The following FRMD4A variants were observed in gnomAD, a reference collection of about 807,000 sequenced individuals.
FRMD4A encodes the protein FERM domain containing 4A.
A neutral mutation model predicts 129.1 loss-of-function variants in FRMD4A; 29 were observed. The observed-to-expected ratio is 0.22, with a 90% CI of 0.17 to 0.31. The LOEUF is 0.31. FRMD4A is among the 10% of genes least tolerant of loss of function. The probability of loss-of-function intolerance (pLI) is 1.00; values close to 1 mark genes in which losing one functional copy is unlikely to be tolerated. For missense variants in FRMD4A, 1,272 were observed against 1,375.8 expected (o/e 0.92, Z 1.19); for synonymous variants, 634 against 571.6 (o/e 1.11, Z -1.56).
chr10:14,288,476 C>A (rs557456195), intron 2 of FRMD4A, among the ~76,000 whole-genome samples: 1 of 152,252 alleles, frequency 6.6e-6, no homozygotes, highest in East Asian at 1.9e-4. Context: ...GTTAATAATA[C>A]CCCAGTAGAC....
intron 2 of FRMD4A, among the ~76,000 whole-genome samples, chr10:14,022,593 A>T (rs1832808462): frequency 6.6e-6 from 1 of 152,184 alleles, no homozygotes; most frequent in South Asian, 2.1e-4. Context: ...GGCAAATGCT[A>T]TGTAAATAAG....
intron 19 of FRMD4A, 92 bp downstream of exon 19, chr10:13,663,361 G>A: frequency 1.3e-6 from 1 of 764,696 alleles, no homozygotes; most frequent in East Asian, 2.6e-5. Flanking sequence ...CCTGGCTCTT[G>A]CCTTTACACA....
chr10:14,050,469 T>C (rs903129114), intron 2 of FRMD4A, among the ~76,000 whole-genome samples: 4 of 152,104 alleles, frequency 2.6e-5, no homozygotes, highest in Non-Finnish European at 2.9e-5. Flanking sequence ...AAATAAATAT[T>C]TGGTCTCTGT....
chr10:14,111,174 A>G lies in FRMD4A; in HGVS notation c.45+218884T>C, dbSNP rs555456066. 2.0e-5 allele frequency among the ~76,000 whole-genome samples: 3 copies of G among 152,334 alleles called. No homozygotes were observed. The East Asian group carries it at 5.8e-4, about 29-fold the overall frequency. On this transcript the variant is annotated intron_variant, in intron 2 of 24. Transcript: ENST00000357447. Reference sequence around the variant, plus strand: ...CCTAGCTTAGCCCCTGATAACTATCATTCTGCTTTCTGTCTCTGCGAATTT... The same window carrying G: ...CCTAGCTTAGCCCCTGATAACTATCGTTCTGCTTTCTGTCTCTGCGAATTT...
rs145856096 is a variant in FRMD4A, at chr10:13,837,371, C to A, written c.111+21476G>T. Among the ~76,000 whole-genome samples the A allele has an allele frequency of 5.2e-3, 794 of 152,274 alleles. 31 individuals carry two copies. In the East Asian group the frequency reaches 0.07, roughly 13 times the overall value. Reference sequence around the variant, plus strand: ...GTTCAGGGGCCCTGACACTTGGATTCTGGAGTCCTGATTGGGCCTCGAGTG... The same window carrying A: ...GTTCAGGGGCCCTGACACTTGGATTATGGAGTCCTGATTGGGCCTCGAGTG... On this transcript the variant is annotated intron_variant, in intron 3 of 24. Transcript: ENST00000357447.
chr10:14,219,674 G>A (rs1408944220), intron 2 of FRMD4A, among the ~76,000 whole-genome samples: 1 of 152,146 alleles, frequency 6.6e-6, no homozygotes, highest in African/African-American at 2.4e-5. Flanking sequence ...AGTACACAGA[G>A]ACAGCTAAGC....
chr10:14,185,463 CA>C (rs1286773184), intron 2 of FRMD4A, among the ~76,000 whole-genome samples: 1 of 152,144 alleles, frequency 6.6e-6, no homozygotes, highest in Non-Finnish European at 1.5e-5. Flanking sequence ...GAAATTAGTA[CA>C]AAAAACATTA....
intron 2 of FRMD4A, among the ~76,000 whole-genome samples, chr10:14,146,410 TCAACA>T (rs772228665): frequency 9.2e-5 from 14 of 152,212 alleles, no homozygotes; most frequent in Admixed American, 2.0e-4. Context: ...ACAATATAAT[TCAACA>T]CAACACAACA....
intron 18 of FRMD4A, among the ~76,000 whole-genome samples, chr10:13,665,641 C>T (rs549635518): frequency 3.3e-5 from 5 of 152,298 alleles, no homozygotes; most frequent in Admixed American, 3.3e-4. Context: ...GGATAGGAGG[C>T]CCCTGGCAGC....
chr10:14,259,534 T>C (rs1382533351), intron 2 of FRMD4A, among the ~76,000 whole-genome samples: 1 of 152,228 alleles, frequency 6.6e-6, no homozygotes, highest in Non-Finnish European at 1.5e-5. Context: ...AGGGAAGCCA[T>C]CTGCCAATAT....
intron 5 of FRMD4A, among the ~76,000 whole-genome samples, chr10:13,783,391 CT>C (rs903631864): frequency 1.3e-5 from 2 of 151,654 alleles, no homozygotes; most frequent in African/African-American, 2.4e-5. Flanking sequence ...TTTTCTTCTC[CT>C]TTTTTTTCTT....
chr10:14,026,550 G>A (rs1832994598), intron 2 of FRMD4A, among the ~76,000 whole-genome samples: 1 of 152,202 alleles, frequency 6.6e-6, no homozygotes, highest in Non-Finnish European at 1.5e-5. Context: ...GCATAGGAAG[G>A]GGCGGGCAGT....
intron 2 of FRMD4A, among the ~76,000 whole-genome samples, chr10:14,221,616 G>A (rs1843263400): frequency 6.6e-6 from 1 of 152,132 alleles, no homozygotes. Context: ...CTGGAGTACA[G>A]TGGTGTGATC....
At chr10:13,954,852 CCT>C (rs1314391659) in intron 2 of FRMD4A, among the ~76,000 whole-genome samples, 1 of 152,124 alleles carries the variant, frequency 6.6e-6, no homozygotes, top group African/African-American at 2.4e-5. Context: ...CTCTCAAACC[CCT>C]CTCTCATGTT....
At chr10:14,207,286 C>T (rs1208095351) in intron 2 of FRMD4A, among the ~76,000 whole-genome samples, 1 of 152,112 alleles carries the variant, frequency 6.6e-6, no homozygotes, top group East Asian at 1.9e-4. Context: ...TCATGAAAGA[C>T]AATTTTTCCA....
At chr10:14,044,272 C>A (rs1020074630) in intron 2 of FRMD4A, among the ~76,000 whole-genome samples, 22 of 152,192 alleles carry the variant, frequency 1.4e-4, no homozygotes, top group Non-Finnish European at 2.2e-4. Context: ...TTGTTTTAGC[C>A]GTGTGGCTCT....
chr10:14,032,185 GA>G (rs972240445), intron 2 of FRMD4A, among the ~76,000 whole-genome samples: 1 of 151,908 alleles, frequency 6.6e-6, no homozygotes, highest in African/African-American at 2.4e-5. Flanking sequence ...ACATATTATT[GA>G]AAAAAATTAG....
At chr10:14,183,031 T>C (rs1841963391) in intron 2 of FRMD4A, among the ~76,000 whole-genome samples, 1 of 151,662 alleles carries the variant, frequency 6.6e-6, no homozygotes, top group African/African-American at 2.4e-5. Context: ...GTGTAGGAGG[T>C]GAGGGAGGAC....
At chr10:13,903,535 C>T (rs1280483976) in intron 2 of FRMD4A, among the ~76,000 whole-genome samples, 1 of 152,054 alleles carries the variant, frequency 6.6e-6, no homozygotes, top group East Asian at 1.9e-4. Flanking sequence ...TTGAGACCAG[C>T]CTGGGCAACA....
Sources: allele counts gnomAD v4.1 joint callset (sites outside exome capture counted in the v4.1 genomes callset), GRCh38; gene constraint gnomAD v4.1.1; transcripts MANE v1.5; gene names NCBI Gene and HGNC (gene_info 2026-07-23, HGNC 2026-07-21).